ADAMTSL3: variants seen among roughly 807,000 people sequenced by gnomAD.
ADAMTSL3 encodes the protein ADAMTS like 3.
ADAMTSL3 carries 128 observed loss-of-function variants against 201.7 expected under a neutral mutation model. The ratio of observed to expected loss-of-function variants is 0.63; its 90% confidence interval spans 0.55 to 0.73. ADAMTSL3 has a LOEUF of 0.73. Ranked by LOEUF, ADAMTSL3 falls within the 30% of genes least tolerant of loss-of-function variation. ADAMTSL3 has a pLI of 0.00. For missense variants in ADAMTSL3, 1,990 were observed against 2,119.6 expected (o/e 0.94, Z 1.20); for synonymous variants, 738 against 748.4 (o/e 0.99, Z 0.23).
rs1296693304 is a variant in ADAMTSL3 at position 83,910,754 on chromosome 15, C to T, written c.1701-2338C>T. Among the ~76,000 whole-genome samples, 5 of 151,638 alleles carry T rather than the reference C, an allele frequency of 3.3e-5. No homozygotes were observed. The East Asian group carries it at 9.7e-4, about 29-fold the overall frequency. On this transcript the variant is annotated intron_variant, in intron 15 of 29. Coordinates refer to ENST00000286744, the MANE Select transcript of ADAMTSL3 (RefSeq NM_207517.3). ...GGTTCAGGCGATTCTCCTGCCTCAG[C>T]CTCCCAAGTAGCTGGGATTACAGGC...
At chr15:83,750,994 C>T (rs1234812189) in intron 3 of ADAMTSL3, among the ~76,000 whole-genome samples, 1 of 152,114 alleles carries the variant, frequency 6.6e-6, no homozygotes, top group Non-Finnish European at 1.5e-5. Flanking sequence ...ATTATTAAGT[C>T]CCTCTTGTAT....
intron 4 of ADAMTSL3, among the ~76,000 whole-genome samples, chr15:83,796,184 T>A (rs2063423063): frequency 6.6e-6 from 1 of 152,182 alleles, no homozygotes; most frequent in Admixed American, 6.5e-5. Context: ...ATTATTGTAT[T>A]TGAGGTCCTA....
chr15:83,749,991 G>A (rs539670369), intron 3 of ADAMTSL3, among the ~76,000 whole-genome samples: 7 of 152,144 alleles, frequency 4.6e-5, no homozygotes, highest in African/African-American at 9.7e-5. Flanking sequence ...CTTCAACTGC[G>A]TGCTCATTGA....
chr15:83,975,253 T>C lies in ADAMTSL3; in HGVS notation c.2644+4616T>C, dbSNP rs570155090. 6.6e-4 allele frequency among the ~76,000 whole-genome samples: 100 copies of C among 152,122 alleles called. 1 individual carries two copies. The East Asian group carries it at 0.015, about 22-fold the overall frequency. ...TCCTGACCTTGTGATCCACCCACCT[T>C]GGCCTCCCAAAGTGCTGGGATTACA... On this transcript the variant is annotated intron_variant, in intron 20 of 29. Transcript: ENST00000286744.
At chr15:83,686,972 CTTGAG>C (rs888922100) in intron 2 of ADAMTSL3, among the ~76,000 whole-genome samples, 10 of 152,110 alleles carry the variant, frequency 6.6e-5, no homozygotes, top group African/African-American at 2.2e-4. Context: ...AGGAGGACTA[CTTGAG>C]TTGAGGAGTT....
chr15:83,882,799 TCA>T, intron 9 of ADAMTSL3, among the ~76,000 whole-genome samples: 1 of 152,316 alleles, frequency 6.6e-6, no homozygotes, highest in South Asian at 2.1e-4. Context: ...ATCTGATTTT[TCA>T]CATTTTTCTA....
chr15:83,895,026 T>C (rs1453041030), intron 13 of ADAMTSL3, among the ~76,000 whole-genome samples: 1 of 152,234 alleles, frequency 6.6e-6, no homozygotes, highest in African/African-American at 2.4e-5. Flanking sequence ...TTCTATTGGT[T>C]TCTTATTTTG....
intron 2 of ADAMTSL3, among the ~76,000 whole-genome samples, chr15:83,681,003 G>C (rs1032486592): frequency 6.6e-6 from 1 of 152,012 alleles, no homozygotes; most frequent in East Asian, 1.9e-4. Context: ...ACAGATTCTC[G>C]TAGTTTTCAA....
At chr15:83,676,148 C>T (rs1187865467) in intron 2 of ADAMTSL3, among the ~76,000 whole-genome samples, 3 of 148,776 alleles carry the variant, frequency 2.0e-5, no homozygotes, top group Non-Finnish European at 4.5e-5. Context: ...TTTTTTCTCC[C>T]TCTGTTTTCC....
In ADAMTSL3 at chr15:83,942,613, G is replaced by C. The variant is rs773169607; in HGVS notation, c.2135G>C (p.Trp712Ser). 1 of 1,613,188 alleles carries C rather than the reference G, an allele frequency of 6.2e-7. No homozygotes were observed. Among genetic ancestry groups the C allele is most frequent in the South Asian group, 1.1e-5 (1 of 91,048 alleles). ...PCPPRWHVGS[W>S]GPCSATCGVG... is the part of the protein sequence containing the mutation. The stretch of plus-strand genomic sequence containing the variant: ...TGTTTTAGGTGGCATGTGGGCTCTT[G>C]GGGGCCCTGCTCAGCTACCTGTGGA... Residue 712 changes from tryptophan to serine, a missense_variant, in exon 18 of 30, where the codon TGG becomes TCG. Transcript: ENST00000286744.
chr15:83,712,024 A>G (rs2061940160), intron 3 of ADAMTSL3, among the ~76,000 whole-genome samples: 1 of 152,118 alleles, frequency 6.6e-6, no homozygotes, highest in Admixed American at 6.5e-5. Flanking sequence ...CTGTTCTGAC[A>G]GGGCCCTTGC....
At chr15:83,899,558 A>C in intron 14 of ADAMTSL3, 89 bp from the exon 15 acceptor site, 1 of 1,308,618 alleles carries the variant, frequency 7.6e-7, no homozygotes, top group Non-Finnish European at 1.1e-6. Flanking sequence ...CCTCTTTATA[A>C]ATGAAATCTT....
intron 3 of ADAMTSL3, among the ~76,000 whole-genome samples, chr15:83,755,171 G>A (rs1452538637): frequency 6.6e-6 from 1 of 152,068 alleles, no homozygotes; most frequent in Non-Finnish European, 1.5e-5. Flanking sequence ...AAGAAAGGCT[G>A]TATTTACTGA....
intron 16 of ADAMTSL3, among the ~76,000 whole-genome samples, chr15:83,919,683 G>A (rs1304502119): frequency 6.6e-6 from 1 of 152,184 alleles, no homozygotes; most frequent in African/African-American, 2.4e-5. Flanking sequence ...CTGTGTGGGT[G>A]TGGGTGAAGG....
chr15:83,794,697 C>G lies in ADAMTSL3; in HGVS notation c.318-9953C>G, dbSNP rs774274051. Among the ~76,000 whole-genome samples the G allele has an allele frequency of 3.9e-5, 6 of 152,152 alleles. No individual in the cohort carries two copies. The East Asian group carries it at 7.7e-4, about 20-fold the overall frequency. ...AGATGCAGCTATAAAAGGCAACTTGCAGGATTCTTGTGATGATAGAAATGT... is the reference window on the plus strand; with the variant it reads ...AGATGCAGCTATAAAAGGCAACTTGGAGGATTCTTGTGATGATAGAAATGT... On this transcript the variant is annotated intron_variant, in intron 4 of 29. Coordinates refer to ENST00000286744, the MANE Select transcript of ADAMTSL3 (RefSeq NM_207517.3).
At chr15:83,936,858 AACAG>A (rs1415199713) in intron 17 of ADAMTSL3, among the ~76,000 whole-genome samples, 7 of 151,088 alleles carry the variant, frequency 4.6e-5, no homozygotes. Context: ...AAATGATGTG[AACAG>A]ACACTTTCCA....
chr15:83,891,933 G>C (rs2065507063), intron 12 of ADAMTSL3, among the ~76,000 whole-genome samples: 1 of 152,146 alleles, frequency 6.6e-6, no homozygotes, highest in African/African-American at 2.4e-5. Flanking sequence ...ATAAAGTCTT[G>C]GCCGGGCGTG....
Position 83,850,945 on chromosome 15 carries a change from A to G in ADAMTSL3, c.728-7821A>G, listed in dbSNP as rs145704781. On this transcript the variant is annotated intron_variant, in intron 7 of 29. Transcript: ENST00000286744. ...TATGACTTGAGTTCTCCCTCTCTAT[A>G]TCCTGCGCCCGTGCTGCTCAAAATG... Among the ~76,000 whole-genome samples, 1,267 of 152,146 alleles carry G rather than the reference A, an allele frequency of 8.3e-3. 12 individuals are homozygous for G. The highest frequency in any genetic ancestry group is 0.029 in the African/African-American group (1,215 of 41,516).
chr15:83,863,403 A>G (rs4470112), intron 8 of ADAMTSL3, among the ~76,000 whole-genome samples: 131,021 of 152,148 alleles, frequency 0.86, 56,468 homozygotes, highest in East Asian at 0.94. Flanking sequence ...AACAGAAATT[A>G]TAACAAACTG....
Sources: gnomAD v4.1 joint callset for allele counts (sites outside exome capture counted in the v4.1 genomes callset) on GRCh38, gnomAD v4.1.1 for gene constraint, MANE v1.5 for transcripts, NCBI Gene and HGNC (gene_info 2026-07-23, HGNC 2026-07-21) for gene names.